The following KIF13B variants were observed in gnomAD, a reference collection of about 807,000 sequenced individuals.
KIF13B encodes the protein kinesin-like protein KIF13B.
Under a neutral mutation model 222.0 loss-of-function variants are expected in KIF13B, and 127 were observed. The ratio of observed to expected loss-of-function variants is 0.57; its 90% confidence interval spans 0.50 to 0.66. The LOEUF (loss-of-function observed/expected upper bound fraction) is 0.66. Among genes scored for constraint, KIF13B ranks in the 30% least tolerant of loss-of-function variants. The pLI, the probability that KIF13B is intolerant of heterozygous loss-of-function variation, is 0.00. For missense variants in KIF13B, 2,173 were observed against 2,379.0 expected, an observed-to-expected ratio of 0.91 and a Z score of 1.80; for synonymous variants, 976 against 919.0, an observed-to-expected ratio of 1.06 and a Z score of -1.12.
chr8:29,125,944 T>A (rs926046886), intron 26 of KIF13B, among the ~76,000 whole-genome samples: 1 of 151,820 alleles, frequency 6.6e-6, no homozygotes, highest in Non-Finnish European at 1.5e-5. Context: ...CCGTCTCTAG[T>A]AAAGATACAA....
At chr8:29,208,735 G>A (rs1168434287) in intron 2 of KIF13B, among the ~76,000 whole-genome samples, 1 of 152,148 alleles carries the variant, frequency 6.6e-6, no homozygotes, top group African/African-American at 2.4e-5. Context: ...GTGACTCTTA[G>A]CTTCCTTATT....
At position 29,105,650 on chromosome 8, in the gene KIF13B, G is replaced by GTTTTTTTTTT. The variant is rs869030059; in HGVS notation, c.4215+2479_4215+2488dup. ...AAGGAAACTGGGCAGAGTTTGTTTG[G>GTTTTTTTTTT]TTTTTTTTTTTTTTTTTTTTTTTTT... On this transcript the variant is annotated intron_variant, in intron 35 of 39. Transcript: ENST00000524189. 7.7e-5 allele frequency among the ~76,000 whole-genome samples: 6 copies of GTTTTTTTTTT among 78,072 alleles called. 1 individual carries two copies. Among genetic ancestry groups the GTTTTTTTTTT allele is most frequent in the African/African-American group, 2.2e-4 (4 of 17,930 alleles). 51.2% of individuals were successfully genotyped at this position (78,072 alleles called of 152,430 possible).
intron 15 of KIF13B, among the ~76,000 whole-genome samples, chr8:29,149,486 A>G (rs1254847167): frequency 6.6e-6 from 1 of 152,186 alleles, no homozygotes; most frequent in Non-Finnish European, 1.5e-5. Flanking sequence ...TCAACACAAC[A>G]TCAATTTTGT....
At chr8:29,192,078 T>A (rs1440020897) in intron 3 of KIF13B, among the ~76,000 whole-genome samples, 1 of 152,210 alleles carries the variant, frequency 6.6e-6, no homozygotes, top group African/African-American at 2.4e-5. Flanking sequence ...CACCTTTCCA[T>A]GACTAGTTTA....
Position 29,124,745 on chromosome 8 carries a change from G to A in KIF13B, c.3253-622C>T, listed in dbSNP as rs547757820. Among the ~76,000 whole-genome samples the A allele has an allele frequency of 1.1e-4, 16 of 152,204 alleles. No homozygotes were observed. The East Asian group carries it at 2.5e-3, about 24-fold the overall frequency. ...CTAAAAATACAAAAATTAGCCAGGC[G>A]TGGTGGCGGGTACCTGTAATCCCAG... is the stretch of plus-strand genomic sequence containing the variant. On this transcript the variant is annotated intron_variant, in intron 26 of 39. Coordinates refer to ENST00000524189, the MANE Select transcript of KIF13B (RefSeq NM_015254.4).
chr8:29,258,269 T>C (rs1443634165), intron 1 of KIF13B, among the ~76,000 whole-genome samples: 1 of 152,240 alleles, frequency 6.6e-6, no homozygotes, highest in Non-Finnish European at 1.5e-5. Context: ...GATTCACAGC[T>C]GCTTAATTTT....
chr8:29,115,058 G>T (rs542584924), intron 31 of KIF13B, among the ~76,000 whole-genome samples: 12 of 152,290 alleles, frequency 7.9e-5, no homozygotes, highest in South Asian at 2.1e-4. Flanking sequence ...CTAAAGAGCT[G>T]CAATTTTAAT....
At position 29,070,655 on chromosome 8, in the gene KIF13B, C is replaced by T. The variant is rs753094507; in HGVS notation, c.5330G>A (p.Arg1777His). The change falls in exon 40 of 40, where the codon CGC becomes CAC. Residue 1777 changes from arginine (R) to histidine (H), a missense_variant. Arg to His is a conservative substitution (Grantham distance 29). Coordinates refer to ENST00000524189, the MANE Select transcript of KIF13B (RefSeq NM_015254.4). This position sits in a 1 kb window ranked among gnomAD's most constrained non-coding sequence, Gnocchi z 4.1. ...VRRATGPVRR[R>H]STGLRLGAPE... ...GGCACCCAGCCGGAGTCCTGTGCTG[C>T]GCCGCCGCACAGGGCCCGTGGCCCT... The T allele has an allele frequency of 2.2e-5, 34 of 1,562,684 alleles. No homozygotes were observed. In the African/African-American group the frequency reaches 2.4e-4, roughly 11 times the overall value.
At chr8:29,105,655 T>TTG (rs1809026576) in intron 35 of KIF13B, among the ~76,000 whole-genome samples, 1 of 96,946 alleles carries the variant, frequency 1.0e-5, no homozygotes, top group Admixed American at 9.8e-5. Flanking sequence ...GTTTGGTTTT[T>TTG]TTTTTTTTTT....
chr8:29,258,148 T>C (rs1017512764), intron 1 of KIF13B, among the ~76,000 whole-genome samples: 1 of 152,072 alleles, frequency 6.6e-6, no homozygotes, highest in Non-Finnish European at 1.5e-5. Flanking sequence ...ACCCCAGGGG[T>C]CAAAGCCACC....
At position 29,129,207 on chromosome 8, in the gene KIF13B, A is replaced by G. The variant is rs75583401; in HGVS notation, c.3075+1326T>C. ...TTGAACACTTTTAGTAAAGGGTGTC[A>G]GAAGTATGACAAATACTTAAATATC... On this transcript the variant is annotated intron_variant, in intron 24 of 39. Coordinates refer to ENST00000524189, the MANE Select transcript of KIF13B (RefSeq NM_015254.4). 1.1e-3 allele frequency among the ~76,000 whole-genome samples: 164 copies of G among 152,388 alleles called. 1 individual carries two copies. In the East Asian group the frequency reaches 0.026, roughly 24 times the overall value.
rs572445230 is a variant in KIF13B at position 29,249,926 on chromosome 8, G to A, written c.56-4487C>T. 41 of 716,452 alleles carry A rather than the reference G, an allele frequency of 5.7e-5. No homozygotes were observed. The East Asian group carries it at 2.6e-3, about 45-fold the overall frequency. The allele number at this position is 716,452 out of a possible 1,614,324, so 44.4% of individuals were successfully genotyped here. ...TTTAAATCTGCTCTAGACTATCACA[G>A]AAATGCTGCAAGAAAGTCTCAGCCA... On this transcript the variant is annotated intron_variant, in intron 1 of 39. Transcript: ENST00000524189.
At chr8:29,146,218 G>A (rs183687695) in intron 18 of KIF13B, 160 bp downstream of exon 18, 58 of 704,656 alleles carry the variant, frequency 8.2e-5, no homozygotes, top group Non-Finnish European at 1.4e-4. Flanking sequence ...CAAAGGTAGA[G>A]AATGGAAAAG....
At chr8:29,110,562 C>T (rs1386911137) in intron 32 of KIF13B, 1 of 158,066 alleles carries the variant, frequency 6.3e-6, no homozygotes, top group African/African-American at 2.4e-5. Context: ...ACCAAGCAGC[C>T]CAGGGTAGCT....
At chr8:29,087,778 A>T (rs1482584783) in intron 37 of KIF13B, among the ~76,000 whole-genome samples, 2 of 152,164 alleles carry the variant, frequency 1.3e-5, no homozygotes, top group African/African-American at 4.8e-5. Flanking sequence ...CGTTTCCCAG[A>T]TGAGATGTGG....
intron 2 of KIF13B, among the ~76,000 whole-genome samples, chr8:29,235,818 G>A (rs1304669205): frequency 6.6e-6 from 1 of 152,188 alleles, no homozygotes; most frequent in African/African-American, 2.4e-5. Context: ...GTGAGTTCCA[G>A]AAACTGGTTA....
intron 11 of KIF13B, among the ~76,000 whole-genome samples, chr8:29,166,389 G>A (rs1434208064): frequency 6.6e-6 from 1 of 152,208 alleles, no homozygotes; most frequent in Non-Finnish European, 1.5e-5. Flanking sequence ...ACTGTGGGAA[G>A]AGAAATGCTA....
chr8:29,195,127 A>G (rs1344254401), intron 3 of KIF13B, among the ~76,000 whole-genome samples: 1 of 152,142 alleles, frequency 6.6e-6, no homozygotes, highest in African/African-American at 2.4e-5. Context: ...GGGTGCCTGT[A>G]ATCCCAGCTA....
At position 29,262,966 on chromosome 8, in the gene KIF13B, G is replaced by A; in HGVS notation, c.55+14C>T. On this transcript the variant is annotated intron_variant, in intron 1 of 39. Coordinates refer to ENST00000524189, the MANE Select transcript of KIF13B (RefSeq NM_015254.4). The stretch of plus-strand genomic sequence containing the variant: ...CGCCTCCGCCCCGGCGGCCCAGGAG[G>A]GCTCGGCTCTCACCTCGCCGGTTCA... The A allele has an allele frequency of 6.3e-7, 1 of 1,581,542 alleles. No homozygotes were observed. The highest frequency in any genetic ancestry group is 8.6e-7 in the Non-Finnish European group (1 of 1,166,340).
Sources: allele counts gnomAD v4.1 joint callset (sites outside exome capture counted in the v4.1 genomes callset), GRCh38; gene constraint gnomAD v4.1.1; non-coding constraint Gnocchi (gnomAD v3.1); transcripts MANE v1.5; gene names NCBI Gene and HGNC (gene_info 2026-07-23, HGNC 2026-07-21).